CLYBL: variants seen among roughly 807,000 people sequenced by gnomAD.
The protein encoded by CLYBL is citramalyl-CoA lyase, also known as citramalyl-CoA lyase, mitochondrial.
In CLYBL, 31 loss-of-function variants were observed where a neutral mutation model predicts 38.9. The observed-to-expected ratio is 0.80, with a 90% confidence interval of 0.60 to 1.08. CLYBL has a LOEUF of 1.08. CLYBL is among the 50% of genes least tolerant of loss of function. CLYBL has a pLI of 0.00. For synonymous variants in CLYBL, 171 were observed against 158.6 expected, an observed-to-expected ratio of 1.08 and a Z score of -0.59; for missense variants, 434 against 411.6, an observed-to-expected ratio of 1.05 and a Z score of -0.47.
At chr13:99,907,198 C>T (rs528857835) in intron 9 of CLYBL, among the ~76,000 whole-genome samples, 23 of 152,326 alleles carry the variant, frequency 1.5e-4, no homozygotes, top group Admixed American at 1.4e-3. Context: ...AACTGCCTGG[C>T]TCTCCTGCTT....
At chr13:99,775,129 G>A (rs1015679554) in intron 2 of CLYBL, among the ~76,000 whole-genome samples, 2 of 152,132 alleles carry the variant, frequency 1.3e-5, no homozygotes, top group African/African-American at 4.8e-5. Flanking sequence ...TTGTAGCATT[G>A]TAGCACAGTG....
At chr13:99,770,076 CTTTCT>C (rs2049350824) in intron 1 of CLYBL, among the ~76,000 whole-genome samples, 1 of 121,962 alleles carries the variant, frequency 8.2e-6, no homozygotes. Flanking sequence ...TTTTTCTTTT[CTTTCT>C]TTTTTTTTTT....
chr13:99,679,872 T>C (rs1421496772), intron 1 of CLYBL, among the ~76,000 whole-genome samples: 3 of 152,188 alleles, frequency 2.0e-5, no homozygotes, highest in Non-Finnish European at 4.4e-5. Flanking sequence ...AAGGAAATGT[T>C]TGGCCAACTA....
intron 1 of CLYBL, among the ~76,000 whole-genome samples, chr13:99,610,736 C>G (rs1161872836): frequency 2.6e-5 from 4 of 152,184 alleles, no homozygotes; most frequent in African/African-American, 9.6e-5. Flanking sequence ...CAGCCCTGCA[C>G]ATGTGCGTGG....
At chr13:99,632,366 A>G (rs2046958190) in intron 1 of CLYBL, among the ~76,000 whole-genome samples, 1 of 152,276 alleles carries the variant, frequency 6.6e-6, no homozygotes, top group African/African-American at 2.4e-5. Context: ...GCTGTCTGCT[A>G]GAACAAAAAT....
At chr13:99,777,541 A>G (rs2049546284) in intron 2 of CLYBL, among the ~76,000 whole-genome samples, 2 of 146,814 alleles carry the variant, frequency 1.4e-5, no homozygotes, top group Admixed American at 6.9e-5. Context: ...TGCCCAGGCT[A>G]GAGTGCAATG....
chr13:99,799,828 A>G (rs556831951), intron 2 of CLYBL, among the ~76,000 whole-genome samples: 3 of 152,260 alleles, frequency 2.0e-5, no homozygotes, highest in Non-Finnish European at 4.4e-5. Flanking sequence ...TTTCTGGTAC[A>G]GGTTACACGT....
chr13:99,870,370 T>C (rs1299612853), intron 6 of CLYBL, among the ~76,000 whole-genome samples: 1 of 152,210 alleles, frequency 6.6e-6, no homozygotes, highest in Non-Finnish European at 1.5e-5. Context: ...AAACTGTTCA[T>C]TTAAAAGAAA....
chr13:99,838,175 A>G (rs1470317194), intron 2 of CLYBL, among the ~76,000 whole-genome samples: 2 of 152,234 alleles, frequency 1.3e-5, no homozygotes, highest in Non-Finnish European at 2.9e-5. Flanking sequence ...ATCAAAAATG[A>G]CAAAGATTGA....
intron 1 of CLYBL, among the ~76,000 whole-genome samples, chr13:99,666,751 T>C (rs1440210481): frequency 6.6e-6 from 1 of 152,210 alleles, no homozygotes; most frequent in Non-Finnish European, 1.5e-5. Flanking sequence ...CAAAATATGG[T>C]ACAGAATTTA....
intron 2 of CLYBL, among the ~76,000 whole-genome samples, chr13:99,793,046 AC>A (rs2049951426): frequency 6.6e-6 from 1 of 150,738 alleles, no homozygotes; most frequent in African/African-American, 2.4e-5. Context: ...ACACACACAC[AC>A]ACACACACAC....
In CLYBL at chr13:99,798,535, G is replaced by T. The variant is rs190714972; in HGVS notation, c.249+25525G>T. Among the ~76,000 whole-genome samples, 338 of 152,302 alleles carry T rather than the reference G, an allele frequency of 2.2e-3. 1 individual carries two copies. Among genetic ancestry groups the T allele is most frequent in the African/African-American group, 7.3e-3 (304 of 41,554 alleles). On this transcript the variant is annotated intron_variant, in intron 2 of 8. Coordinates refer to ENST00000339105, the MANE Select transcript of CLYBL (RefSeq NM_206808.5). ...TGGCTCCCTCTGTAATTATTTTCCAGTGAAAGAAATGAAGATCATTTTAAT... is the reference window on the plus strand; with the variant it reads ...TGGCTCCCTCTGTAATTATTTTCCATTGAAAGAAATGAAGATCATTTTAAT...
intron 2 of CLYBL, among the ~76,000 whole-genome samples, chr13:99,820,364 T>G (rs1288206271): frequency 6.6e-6 from 1 of 152,110 alleles, no homozygotes; most frequent in East Asian, 1.9e-4. Context: ...ATTTAAAAAT[T>G]TTTGTCTTTA....
intron 2 of CLYBL, among the ~76,000 whole-genome samples, chr13:99,815,599 A>C (rs1433152497): frequency 2.6e-5 from 4 of 152,082 alleles, no homozygotes; most frequent in African/African-American, 9.7e-5. Context: ...AATAAATAAA[A>C]AATTGGCCAG....
chr13:99,827,168 T>C (rs1216486641), intron 2 of CLYBL, among the ~76,000 whole-genome samples: 1 of 152,180 alleles, frequency 6.6e-6, no homozygotes, highest in African/African-American at 2.4e-5. Flanking sequence ...CGTGAGTCAT[T>C]TACCACAGAC....
intron 5 of CLYBL, 87 bp downstream of exon 5, chr13:99,864,998 C>A (rs755185509): frequency 2.2e-6 from 2 of 924,852 alleles, no homozygotes; most frequent in Non-Finnish European, 3.6e-6. Flanking sequence ...CAAGGATGGA[C>A]ATTTACATAA....
intron 1 of CLYBL, among the ~76,000 whole-genome samples, chr13:99,658,182 A>AG: frequency 6.6e-6 from 1 of 152,368 alleles, no homozygotes. Context: ...CGGTTTCATA[A>AG]GGGGCCGCCG....
intron 1 of CLYBL, among the ~76,000 whole-genome samples, chr13:99,768,716 T>C (rs2138772593): frequency 6.6e-6 from 1 of 152,020 alleles, no homozygotes; most frequent in Non-Finnish European, 1.5e-5. Context: ...TTTCACCATG[T>C]TGGCTAGGCT....
At chr13:99,741,587 C>T (rs1213336720) in intron 1 of CLYBL, among the ~76,000 whole-genome samples, 4 of 152,326 alleles carry the variant, frequency 2.6e-5, no homozygotes, top group Non-Finnish European at 2.9e-5. Flanking sequence ...AGTCCCACTC[C>T]GCCGCCCAGA....
Sources: allele counts gnomAD v4.1 joint callset (sites outside exome capture counted in the v4.1 genomes callset), GRCh38; gene constraint gnomAD v4.1.1; transcripts MANE v1.5; gene names NCBI Gene and HGNC (gene_info 2026-07-23, HGNC 2026-07-21).